Variants in ZNF404 observed in about 807,000 individuals in gnomAD.
ZNF404 encodes the protein zinc finger protein 404.
A neutral mutation model predicts 7.3 loss-of-function variants in ZNF404; 7 were observed. The ratio of observed to expected loss-of-function variants is 0.95; its 90% confidence interval spans 0.54 to 1.79. The LOEUF (loss-of-function observed/expected upper bound fraction) is 1.79, where lower values mean the gene tolerates loss of function less well. Ranked by LOEUF, ZNF404 falls within the 40% of genes most tolerant of loss-of-function variation. The pLI is 0.00. For synonymous variants in ZNF404, 191 were observed against 209.9 expected (o/e 0.91, Z 0.78); for missense variants, 560 against 661.5 (o/e 0.85, Z 1.68).
At chr19:43,875,956 TCA>T (rs145296393) in intron 2 of ZNF404, among the ~76,000 whole-genome samples, 4,635 of 152,108 alleles carry the variant, frequency 0.03, 264 homozygotes, top group East Asian at 0.24. Context: ...CAAGGCAAAC[TCA>T]AAGATTAACA....
At chr19:43,880,620 G>C (rs895980971) in intron 1 of ZNF404, among the ~76,000 whole-genome samples, 2 of 152,030 alleles carry the variant, frequency 1.3e-5, no homozygotes, top group African/African-American at 4.8e-5. Flanking sequence ...CTGAAAATCT[G>C]AACAAAATAT....
In ZNF404 at chr19:43,873,283, T is replaced by C. The variant is rs370682591; in HGVS notation, c.931A>G (p.Ser311Gly). The change falls in exon 3 of 3, where the codon AGC becomes GGC. Residue 311 changes from serine to glycine, a missense_variant. Transcript: ENST00000587539. The part of the protein sequence containing the change: ...CEQCEKAFVR[S>G]YLLVEHQRSH... ...CTTTGATGTTCAACAAGTAGATAGC[T>C]GCGAACAAAGGCCTTTTCACATTGT... The C allele has an allele frequency of 6.2e-7, 1 of 1,613,612 alleles. No homozygotes were observed. Among genetic ancestry groups the C allele is most frequent in the African/African-American group, 1.3e-5 (1 of 75,032 alleles).
rs752829082 is a variant in ZNF404 at position 43,872,613 on chromosome 19, T to A, written c.1601A>T (p.His534Leu). 33 of 1,611,526 alleles carry A rather than the reference T, an allele frequency of 2.0e-5. No homozygotes were observed. The highest frequency in any genetic ancestry group is 3.3e-4 in the Middle Eastern group (2 of 6,050). The change falls in exon 3 of 3, where the codon CAT (histidine) becomes CTT (leucine). Residue 534 changes from histidine to leucine, a missense_variant. Coordinates refer to ENST00000587539, the MANE Select transcript of ZNF404 (RefSeq NM_001033719.3). This position sits in a 1 kb window ranked among gnomAD's most constrained non-coding sequence, Gnocchi z 4.4. ...KCKECGKAFS[H>L]CYQLSQHQRF... ...TTGATGTTGACTAAGTTGATAGCAA[T>A]GACTAAAGGCCTTACCACATTCTTT...
Position 43,872,998 on chromosome 19 carries a change from T to C in ZNF404, c.1216A>G (p.Thr406Ala), listed in dbSNP as rs746186290. The change falls in exon 3 of 3, where the codon ACT (threonine) becomes GCT (alanine). Residue 406 changes from threonine (T) to alanine (A), a missense_variant. By Grantham distance (58) the Thr-to-Ala change is moderately conservative. Transcript: ENST00000587539. This position sits in a 1 kb window ranked among gnomAD's most constrained non-coding sequence, Gnocchi z 4.4. The stretch of plus-strand genomic sequence containing the variant: ...TTACATTCATATGGCTTCAAATCAG[T>C]ATGAATTATCTGATGTTGAATAAGA... ...SYLIQHQIIHTDLKPYECKQC... is the reference protein window; with the variant it reads ...SYLIQHQIIHADLKPYECKQC... The C allele has an allele frequency of 6.2e-7, 1 of 1,603,054 alleles. No homozygotes were observed. The highest frequency in any genetic ancestry group is 2.2e-5 in the East Asian group (1 of 44,650).
chr19:43,880,087 C>T lies in ZNF404; in HGVS notation c.59G>A (p.Trp20Ter). The change falls in exon 2 of 3, where the codon TGG becomes TAG. Residue 20 changes from tryptophan (W) to a stop codon, truncating the protein, a stop_gained. Coordinates refer to ENST00000587539, the MANE Select transcript of ZNF404 (RefSeq NM_001033719.3). LOFTEE classifies it high-confidence loss of function. ...CCTCTGATCCGAGTTTAAATATTCC[C>T]ACTCCTCCTGAGAGAAGTCTATGGC... Reference protein sequence around the residue: ...DVAIDFSQEEWEYLNSDQRDL... With the variant: ...DVAIDFSQEE 8.7e-6 allele frequency: 14 copies of T among 1,613,494 alleles called. No individual in the cohort carries two copies. Among genetic ancestry groups the T allele is most frequent in the Non-Finnish European group, 1.2e-5 (14 of 1,179,558 alleles).
chr19:43,882,551 C>T (rs962968713), intron 1 of ZNF404, among the ~76,000 whole-genome samples: 1 of 152,128 alleles, frequency 6.6e-6, no homozygotes, highest in Non-Finnish European at 1.5e-5. Context: ...ATGGAACTCT[C>T]ATACACTGTT....
At chr19:43,879,961 T>C in intron 2 of ZNF404, 49 bp downstream of exon 2, 1 of 1,604,580 alleles carries the variant, frequency 6.2e-7, no homozygotes, top group Non-Finnish European at 8.5e-7. Context: ...CAGAGAAGGC[T>C]GATATTCTAG....
At position 43,872,370 on chromosome 19, in the gene ZNF404, T is replaced by G; in HGVS notation, c.*185A>C. On this transcript the variant is annotated 3_prime_UTR_variant, in exon 3 of 3. Coordinates refer to ENST00000587539, the MANE Select transcript of ZNF404 (RefSeq NM_001033719.3). This position sits in a 1 kb window ranked among gnomAD's most constrained non-coding sequence, Gnocchi z 4.4. Reference sequence around the variant, plus strand: ...AATATCACACTCATAGGGTCTTCCTTCTATAAGATTTATTTTTAGTAATTC... The same window carrying G: ...AATATCACACTCATAGGGTCTTCCTGCTATAAGATTTATTTTTAGTAATTC... 1 of 471,706 alleles carries G rather than the reference T, an allele frequency of 2.1e-6. No homozygotes were observed. Among genetic ancestry groups the G allele is most frequent in the Non-Finnish European group, 3.6e-6 (1 of 275,932 alleles). The allele number at this position is 471,706 out of a possible 1,614,324, so 29.2% of individuals were successfully genotyped here.
chr19:43,879,519 C>G (rs1282072713), intron 2 of ZNF404, among the ~76,000 whole-genome samples: 2 of 152,138 alleles, frequency 1.3e-5, no homozygotes, highest in African/African-American at 4.8e-5. Context: ...TGGAAGCCAA[C>G]AGGCCAACTG....
At chr19:43,878,513 T>A (rs1441828262) in intron 2 of ZNF404, among the ~76,000 whole-genome samples, 1 of 151,968 alleles carries the variant, frequency 6.6e-6, no homozygotes, top group East Asian at 1.9e-4. Context: ...TTGCGAAAAT[T>A]TTCTCCCATT....
At chr19:43,879,047 C>T (rs1971874238) in intron 2 of ZNF404, among the ~76,000 whole-genome samples, 1 of 151,654 alleles carries the variant, frequency 6.6e-6, no homozygotes, top group Non-Finnish European at 1.5e-5. Context: ...AAGAAAGAAA[C>T]AATAAAGAAG....
At chr19:43,883,557 A>T (rs1971914070) in intron 1 of ZNF404, among the ~76,000 whole-genome samples, 1 of 152,140 alleles carries the variant, frequency 6.6e-6, no homozygotes, top group East Asian at 1.9e-4. Flanking sequence ...CTCATAACCA[A>T]GTTTTCCCTT....
chr19:43,880,114 A>C lies in ZNF404; in HGVS notation c.32T>G (p.Val11Gly). The change falls in exon 2 of 3, where the codon GTT (valine) becomes GGT (glycine). Residue 11 changes from valine to glycine, a missense_variant. Coordinates refer to ENST00000587539, the MANE Select transcript of ZNF404 (RefSeq NM_001033719.3). ...CTCCTCCTGAGAGAAGTCTATGGCA[A>C]CATCGCTGAATGTCAATGGCACCTG... is the stretch of plus-strand genomic sequence containing the variant. MARVPLTFSD[V>G]AIDFSQEEWE... is the part of the protein sequence containing the mutation. The C allele has an allele frequency of 6.2e-7, 1 of 1,612,688 alleles. No individual in the cohort carries two copies. Among genetic ancestry groups the C allele is most frequent in the Non-Finnish European group, 8.5e-7 (1 of 1,179,290 alleles).
In ZNF404 at chr19:43,873,338, A is replaced by C. The variant is rs1245607529; in HGVS notation, c.876T>G (p.Ile292Met). 1 of 1,613,164 alleles carries C rather than the reference A, an allele frequency of 6.2e-7. No individual in the cohort carries two copies. The highest frequency in any genetic ancestry group is 1.7e-5 in the Admixed American group (1 of 59,794). ...ATTTATATGGTTTCTCACCAGAATG[A>C]ATTTTCTTATGTTGGTAAAGACTTG... is the stretch of plus-strand genomic sequence containing the variant. Reference protein sequence around the residue: ...HRSSLYQHKKIHSGEKPYKCE... With the variant: ...HRSSLYQHKKMHSGEKPYKCE... Residue 292 changes from isoleucine (I) to methionine (M), a missense_variant, in exon 3 of 3, where the codon ATT becomes ATG. Physicochemically the swap from Ile to Met is conservative, Grantham distance 10. Coordinates refer to ENST00000587539, the MANE Select transcript of ZNF404 (RefSeq NM_001033719.3).
chr19:43,873,017 A>G lies in ZNF404; in HGVS notation c.1197T>C (p.Ile399=). 1 of 1,604,220 alleles carries G rather than the reference A, an allele frequency of 6.2e-7. No individual in the cohort carries two copies. The highest frequency in any genetic ancestry group is 1.7e-5 in the Admixed American group (1 of 57,996). Residue 399 remains isoleucine, a synonymous_variant, in exon 3 of 3, where the codon ATT becomes ATC. Coordinates refer to ENST00000587539, the MANE Select transcript of ZNF404 (RefSeq NM_001033719.3). ...GKTFKLHSYL[I]QHQIIHTDLK... Reference sequence around the variant, plus strand: ...AATCAGTATGAATTATCTGATGTTGAATAAGATATGAATGAAGCTTAAAAG... The same window carrying G: ...AATCAGTATGAATTATCTGATGTTGGATAAGATATGAATGAAGCTTAAAAG...
chr19:43,879,604 C>T (rs114628845), intron 2 of ZNF404, among the ~76,000 whole-genome samples: 2 of 152,146 alleles, frequency 1.3e-5, no homozygotes, highest in Non-Finnish European at 2.9e-5. Flanking sequence ...TATGGAGGCT[C>T]TTTTGTGGTA....
chr19:43,875,988 A>T (rs906706893), intron 2 of ZNF404, among the ~76,000 whole-genome samples: 1 of 152,214 alleles, frequency 6.6e-6, no homozygotes, highest in Non-Finnish European at 1.5e-5. Flanking sequence ...CTAATTAAAA[A>T]TAAAAGAATT....
intron 1 of ZNF404, among the ~76,000 whole-genome samples, chr19:43,880,988 C>T (rs1044120007): frequency 2.6e-5 from 4 of 152,060 alleles, no homozygotes; most frequent in Non-Finnish European, 2.9e-5. Flanking sequence ...AAAGAAAAAC[C>T]GTATGAACAT....
chr19:43,872,966 A>G lies in ZNF404; in HGVS notation c.1248T>C (p.Cys416=). The change falls in exon 3 of 3, where the codon TGT becomes TGC. Residue 416 remains cysteine, a synonymous_variant. Transcript: ENST00000587539. This position sits in a 1 kb window ranked among gnomAD's most constrained non-coding sequence, Gnocchi z 4.4. ...CTCCAACACGACTGAAGGCTTTCCC[A>G]CATTGCTTACATTCATATGGCTTCA... ...TDLKPYECKQ[C]GKAFSRVGDL... 6.2e-7 allele frequency: 1 copy of G among 1,604,840 alleles called. No homozygotes were observed. Among genetic ancestry groups the G allele is most frequent in the Non-Finnish European group, 8.5e-7 (1 of 1,174,806 alleles).
Sources: gnomAD v4.1 joint callset for allele counts (sites outside exome capture counted in the v4.1 genomes callset) on GRCh38, gnomAD v4.1.1 for gene constraint, Gnocchi (gnomAD v3.1) non-coding constraint, MANE v1.5 for transcripts, NCBI Gene and HGNC (gene_info 2026-07-23, HGNC 2026-07-21) for gene names.